Variants in MBD4 observed in about 807,000 individuals in gnomAD.
MBD4 encodes the protein methyl-CpG-binding domain protein 4.
MBD4 carries 53 observed loss-of-function variants against 60.2 expected under a neutral mutation model. That is an observed-to-expected ratio of 0.88 (90% CI 0.71 to 1.11). MBD4 has a LOEUF of 1.11. Ranked by LOEUF, MBD4 falls within the 50% of genes least tolerant of loss-of-function variation. The probability of loss-of-function intolerance (pLI) is 0.00; values close to 1 mark genes in which losing one functional copy is unlikely to be tolerated. For missense variants in MBD4, 619 were observed against 674.0 expected, an observed-to-expected ratio of 0.92 and a Z score of 0.90; for synonymous variants, 231 against 229.8, an observed-to-expected ratio of 1.01 and a Z score of -0.05.
At chr3:129,438,387 AGTGT>A (rs1240697790) in intron 1 of MBD4, among the ~76,000 whole-genome samples, 2 of 152,320 alleles carry the variant, frequency 1.3e-5, no homozygotes, top group East Asian at 3.9e-4. Flanking sequence ...TCTGGGAGAG[AGTGT>A]GTATCACTTT....
chr3:129,432,374 G>A lies in MBD4; in HGVS notation c.1647+129C>T, dbSNP rs1224850369. 6.4e-6 allele frequency: 10 copies of A among 1,568,388 alleles called. No homozygotes were observed. The East Asian group carries it at 9.5e-5, about 15-fold the overall frequency. On this transcript the variant is annotated intron_variant, in intron 7 of 7. Coordinates refer to ENST00000429544, the MANE Select transcript of MBD4 (RefSeq NM_001276270.2). ...AAACCCACATGCCACCCGCTTCCCC[G>A]CAGCCAGGAACACAATTGTTTGTGA... is the stretch of plus-strand genomic sequence containing the variant.
chr3:129,431,452 T>G lies in MBD4; in HGVS notation c.*49A>C. 2.0e-6 allele frequency: 3 copies of G among 1,477,616 alleles called. No homozygotes were observed. Among genetic ancestry groups the G allele is most frequent in the Non-Finnish European group, 2.8e-6 (3 of 1,057,892 alleles). 91.5% of individuals were successfully genotyped at this position (1,477,616 alleles called of 1,614,324 possible). A position where few individuals can be genotyped will look rare whatever the true frequency, so the allele number is the denominator to read the frequency against. On this transcript the variant is annotated 3_prime_UTR_variant, in exon 8 of 8. Transcript: ENST00000429544. ...GGTTGGTTGTACTTAATTAAGCTTT[T>G]TTGAAGTGCAAAGCTATGCATAACA...
chr3:129,437,538 G>A (rs1474591552), intron 2 of MBD4, among the ~76,000 whole-genome samples, 182 bp downstream of exon 2: 1 of 152,128 alleles, frequency 6.6e-6, no homozygotes, highest in African/African-American at 2.4e-5. Flanking sequence ...CACAGAAGGA[G>A]GGACAAAATG....
Position 129,439,730 on chromosome 3 carries a change from C to A in MBD4, c.104G>T (p.Arg35Leu). Reference protein sequence around the residue: ...RLVPDPPNDLRKEDVAMELER... With the variant: ...RLVPDPPNDLLKEDVAMELER... The stretch of plus-strand genomic sequence containing the variant: ...GGCCCAAAAGGGGACAGTAACTTAC[C>A]GGAGGTCATTCGGCGGGTCTGGGAC... Residue 35 changes from arginine to leucine, a missense_variant and splice_region_variant, in exon 1 of 8, where the codon CGC (arginine) becomes CTC (leucine). Transcript: ENST00000429544. 6.4e-7 allele frequency: 1 copy of A among 1,573,970 alleles called. No individual in the cohort carries two copies. The highest frequency in any genetic ancestry group is 1.2e-5 in the South Asian group (1 of 86,510).
chr3:129,431,204 T>C lies in MBD4; in HGVS notation c.*297A>G, dbSNP rs2072337305. 1 of 330,286 alleles carries C rather than the reference T, an allele frequency of 3.0e-6. No individual in the cohort carries two copies. Among genetic ancestry groups the C allele is most frequent in the African/African-American group, 2.2e-5 (1 of 46,350 alleles). 20.5% of individuals were successfully genotyped at this position (330,286 alleles called of 1,614,324 possible). ...AAGGCTGATAGAAATTTGCTTTGTA[T>C]TATTGATAGTTTAGAACTATTTTTC... On this transcript the variant is annotated 3_prime_UTR_variant, in exon 8 of 8. Coordinates refer to ENST00000429544, the MANE Select transcript of MBD4 (RefSeq NM_001276270.2).
rs566292751 is a variant in MBD4 at position 129,435,528 on chromosome 3, G to C, written c.1183+933C>G. Among the ~76,000 whole-genome samples, 8 of 152,260 alleles carry C rather than the reference G, an allele frequency of 5.3e-5. No individual in the cohort carries two copies. In the East Asian group the frequency reaches 1.5e-3, roughly 29 times the overall value. ...AGCTCAGTGTCTAGGACACAGACTT[G>C]AAGAATTCTTATGCAGTTCCTAGGT... On this transcript the variant is annotated intron_variant, in intron 3 of 7. Transcript: ENST00000429544.
In MBD4 at chr3:129,439,909, T is replaced by G. The variant is rs2072715754; in HGVS notation, c.-76A>C. 3.8e-6 allele frequency: 4 copies of G among 1,046,342 alleles called. No homozygotes were observed. The highest frequency in any genetic ancestry group is 1.3e-5 in the South Asian group (1 of 75,510). The allele number at this position is 1,046,342 out of a possible 1,614,324, so 64.8% of individuals were successfully genotyped here. On this transcript the variant is annotated 5_prime_UTR_variant, in exon 1 of 8. Transcript: ENST00000429544. Reference sequence around the variant, plus strand: ...GTGGGGCGGAGTAAGATGTGAAACCTCTTCAGCTCACGGCACCGGGCTGCA... The same window carrying G: ...GTGGGGCGGAGTAAGATGTGAAACCGCTTCAGCTCACGGCACCGGGCTGCA...
chr3:129,433,745 C>T, intron 5 of MBD4, 105 bp downstream of exon 5: 5 of 1,376,144 alleles, frequency 3.6e-6, no homozygotes, highest in East Asian at 2.3e-5. Context: ...AATGCCCTAT[C>T]CCAGGTGACA....
At chr3:129,434,031 G>T (rs997203606) in intron 4 of MBD4, 31 bp downstream of exon 4, 4 of 1,614,126 alleles carry the variant, frequency 2.5e-6, no homozygotes, top group Non-Finnish European at 3.4e-6. Flanking sequence ...AATGGAATTA[G>T]AATTTGCTGT....
chr3:129,436,490 T>A lies in MBD4; in HGVS notation c.1154A>T (p.Asn385Ile). ...GAAGTCTTTCCTGGTTGGTGAGCAGTTGTTGTCCATTTCAGAGCCACGTTT... is the reference window on the plus strand; with the variant it reads ...GAAGTCTTTCCTGGTTGGTGAGCAGATGTTGTCCATTTCAGAGCCACGTTT... ...ILKRGSEMDN[N>I]CSPTRKDFTE... Residue 385 changes from asparagine to isoleucine, a missense_variant, in exon 3 of 8, where the codon AAC (asparagine) becomes ATC (isoleucine). Coordinates refer to ENST00000429544, the MANE Select transcript of MBD4 (RefSeq NM_001276270.2). 6.2e-7 allele frequency: 1 copy of A among 1,614,134 alleles called. No individual in the cohort carries two copies. The highest frequency in any genetic ancestry group is 8.5e-7 in the Non-Finnish European group (1 of 1,179,992).
intron 5 of MBD4, 65 bp from the exon 6 acceptor site, chr3:129,433,312 T>G: frequency 1.3e-6 from 2 of 1,562,346 alleles, no homozygotes; most frequent in Admixed American, 1.7e-5. Flanking sequence ...GTTCAAGTAG[T>G]TTCTCATAGA....
chr3:129,439,298 A>G (rs1199114851), intron 1 of MBD4, among the ~76,000 whole-genome samples: 1 of 152,252 alleles, frequency 6.6e-6, no homozygotes, highest in Non-Finnish European at 1.5e-5. Flanking sequence ...CAGCTCTACC[A>G]GCTGTAAGTT....
At chr3:129,433,540 A>G (rs1056476435) in intron 5 of MBD4, 1 of 581,614 alleles carries the variant, frequency 1.7e-6, no homozygotes. Flanking sequence ...TATAGAACAC[A>G]AGGTACATTC....
rs1577061014 is a variant in MBD4, at chr3:129,433,339, T to G, written c.1394-92A>C. On this transcript the variant is annotated intron_variant, in intron 5 of 7. Transcript: ENST00000429544. ...TCTCATAGAAATCTCATCCAGAGGGTTTTTTTTTTTAAAGAAAACAAAAAA... is the reference window on the plus strand; with the variant it reads ...TCTCATAGAAATCTCATCCAGAGGGGTTTTTTTTTTAAAGAAAACAAAAAA... 15 of 835,394 alleles carry G rather than the reference T, an allele frequency of 1.8e-5. No individual in the cohort carries two copies. The Middle Eastern group carries it at 1.2e-3, about 66-fold the overall frequency. The allele number at this position is 835,394 out of a possible 1,614,324, so 51.7% of individuals were successfully genotyped here.
Position 129,431,404 on chromosome 3 carries a change from A to T in MBD4, c.*97T>A. The T allele has an allele frequency of 1.0e-6, 1 of 996,194 alleles. No homozygotes were observed. The highest frequency in any genetic ancestry group is 1.6e-6 in the Non-Finnish European group (1 of 628,430). The allele number at this position is 996,194 out of a possible 1,614,324, so 61.7% of individuals were successfully genotyped here. On this transcript the variant is annotated 3_prime_UTR_variant, in exon 8 of 8. Coordinates refer to ENST00000429544, the MANE Select transcript of MBD4 (RefSeq NM_001276270.2). ...CACTAGGCTTCTAGTTGGGCTAATT[A>T]AAATCTCTATGGCTGGAAAGGTGGT... is the stretch of plus-strand genomic sequence containing the variant.
At position 129,436,809 on chromosome 3, in the gene MBD4, C is replaced by T. The variant is rs1376853099; in HGVS notation, c.835G>A (p.Ala279Thr). The change falls in exon 3 of 8, where the codon GCA (alanine) becomes ACA (threonine). Residue 279 changes from alanine to threonine, a missense_variant. Ala to Thr is a moderately conservative substitution (Grantham distance 58, BLOSUM62 0). Transcript: ENST00000429544. ...NKADAESEPV[A>T]QKSQLDRTVC... ...GTTCTATCAAGCTGACTTTTTTGTGCAACAGGTTCACTTTCAGCATCTGCT... is the reference window on the plus strand; with the variant it reads ...GTTCTATCAAGCTGACTTTTTTGTGTAACAGGTTCACTTTCAGCATCTGCT... 5.0e-6 allele frequency: 8 copies of T among 1,614,130 alleles called. No individual in the cohort carries two copies. In the East Asian group the frequency reaches 1.3e-4, roughly 27 times the overall value.
chr3:129,431,448 C>CT lies in MBD4; in HGVS notation c.*52dup, dbSNP rs2072341497. ...AGGTGGTTGGTTGTACTTAATTAAG[C>CT]TTTTTTGAAGTGCAAAGCTATGCAT... On this transcript the variant is annotated 3_prime_UTR_variant, in exon 8 of 8. Transcript: ENST00000429544. The CT allele has an allele frequency of 1.4e-6, 2 of 1,463,624 alleles. No homozygotes were observed. The highest frequency in any genetic ancestry group is 2.8e-5 in the African/African-American group (2 of 71,844). 90.7% of individuals were successfully genotyped at this position (1,463,624 alleles called of 1,614,324 possible). A position where few individuals can be genotyped will look rare whatever the true frequency, so the allele number is the denominator to read the frequency against.
rs779148384 is a variant in MBD4, at chr3:129,436,994, T to A, written c.650A>T (p.Asp217Val). Residue 217 changes from aspartate to valine, a missense_variant, in exon 3 of 8, where the codon GAT (aspartate) becomes GTT (valine). Coordinates refer to ENST00000429544, the MANE Select transcript of MBD4 (RefSeq NM_001276270.2). The part of the protein sequence containing the change: ...FTSTHLLLKE[D>V]EGVDDVNFRK... Reference sequence around the variant, plus strand: ...GAAGTTAACATCATCAACACCCTCATCTTCTTTCAAAAGCAAATGAGTGGA... The same window carrying A: ...GAAGTTAACATCATCAACACCCTCAACTTCTTTCAAAAGCAAATGAGTGGA... 1.2e-6 allele frequency: 2 copies of A among 1,614,184 alleles called. No homozygotes were observed. Among genetic ancestry groups the A allele is most frequent in the South Asian group, 1.1e-5 (1 of 91,080 alleles).
In MBD4 at chr3:129,431,380, A is replaced by T; in HGVS notation, c.*121T>A. 1 of 785,926 alleles carries T rather than the reference A, an allele frequency of 1.3e-6. No homozygotes were observed. Among genetic ancestry groups the T allele is most frequent in the Admixed American group, 1.8e-5 (1 of 55,986 alleles). The allele number at this position is 785,926 out of a possible 1,614,324, so 48.7% of individuals were successfully genotyped here. The stretch of plus-strand genomic sequence containing the variant: ...GCACACACATTAAGAAAGCACACAC[A>T]CTAGGCTTCTAGTTGGGCTAATTAA... On this transcript the variant is annotated 3_prime_UTR_variant, in exon 8 of 8. Coordinates refer to ENST00000429544, the MANE Select transcript of MBD4 (RefSeq NM_001276270.2).
Sources: allele counts gnomAD v4.1 joint callset (sites outside exome capture counted in the v4.1 genomes callset), GRCh38; gene constraint gnomAD v4.1.1; transcripts MANE v1.5; gene names NCBI Gene and HGNC (gene_info 2026-07-23, HGNC 2026-07-21).